The following AUTS2 variants were observed in gnomAD, a reference collection of about 807,000 sequenced individuals.
AUTS2 encodes the protein activator of transcription and developmental regulator AUTS2, also known as autism susceptibility gene 2 protein.
Under a neutral mutation model 112.4 loss-of-function variants are expected in AUTS2, and 17 were observed. That is an observed-to-expected ratio of 0.15 (90% CI 0.10 to 0.23). The LOEUF is 0.23. Among genes scored for constraint, AUTS2 ranks in the 10% least tolerant of loss-of-function variants. The pLI, the probability that AUTS2 is intolerant of heterozygous loss-of-function variation, is 1.00. For missense variants in AUTS2, 1,510 were observed against 1,701.6 expected, an observed-to-expected ratio of 0.89 and a Z score of 1.98; for synonymous variants, 751 against 702.7, an observed-to-expected ratio of 1.07 and a Z score of -1.09.
intron 3 of AUTS2, among the ~76,000 whole-genome samples, chr7:70,124,796 C>T (rs1382992332): frequency 6.6e-6 from 1 of 152,106 alleles, no homozygotes; most frequent in Non-Finnish European, 1.5e-5. Flanking sequence ...CTCCTGACCT[C>T]GTGATCCGCC....
chr7:70,774,697 A>G (rs1265009289), intron 12 of AUTS2: 5 of 152,580 alleles, frequency 3.3e-5, no homozygotes, highest in Non-Finnish European at 7.3e-5. Flanking sequence ...TACGATAGAT[A>G]CAATCTTGCC....
chr7:69,988,644 A>G (rs1291932060), intron 2 of AUTS2, among the ~76,000 whole-genome samples: 1 of 152,212 alleles, frequency 6.6e-6, no homozygotes, highest in Non-Finnish European at 1.5e-5. Flanking sequence ...ATATTTATTG[A>G]ATGAATGAGT....
intron 6 of AUTS2, among the ~76,000 whole-genome samples, chr7:70,760,626 G>A (rs1232605095): frequency 6.6e-6 from 1 of 152,236 alleles, no homozygotes; most frequent in East Asian, 1.9e-4. Context: ...ATCCCTAACT[G>A]TGACATCTCT....
intron 4 of AUTS2, among the ~76,000 whole-genome samples, 171 bp from the exon 5 acceptor site, chr7:70,435,581 T>C (rs1159345121): frequency 6.6e-6 from 1 of 152,228 alleles, no homozygotes; most frequent in Non-Finnish European, 1.5e-5. Context: ...TTTCAGATGC[T>C]GTTTACTAGC....
chr7:70,519,493 G>T (rs371487127), intron 5 of AUTS2, among the ~76,000 whole-genome samples: 1 of 152,168 alleles, frequency 6.6e-6, no homozygotes, highest in Non-Finnish European at 1.5e-5. Context: ...ATGAATAGAA[G>T]TTATATCCAA....
At chr7:69,834,509 T>C (rs947555150) in intron 1 of AUTS2, among the ~76,000 whole-genome samples, 1 of 152,222 alleles carries the variant, frequency 6.6e-6, no homozygotes, top group African/African-American at 2.4e-5. Flanking sequence ...AATCACTTTA[T>C]TCTGGCTCTG....
At chr7:70,367,399 A>G (rs1405189928) in intron 4 of AUTS2, among the ~76,000 whole-genome samples, 1 of 152,078 alleles carries the variant, frequency 6.6e-6, no homozygotes, top group Admixed American at 6.5e-5. Flanking sequence ...TACTAAAAAT[A>G]CAAAAAATTA....
intron 4 of AUTS2, among the ~76,000 whole-genome samples, chr7:70,375,271 C>G (rs1258918535): frequency 6.6e-6 from 1 of 152,068 alleles, no homozygotes; most frequent in African/African-American, 2.4e-5. Context: ...TATTAGAAGC[C>G]CCATTGACTT....
intron 4 of AUTS2, among the ~76,000 whole-genome samples, chr7:70,294,553 C>T (rs1345284513): frequency 6.6e-6 from 1 of 152,306 alleles, no homozygotes; most frequent in South Asian, 2.1e-4. Flanking sequence ...TTGCTTTTCT[C>T]TGGAGCTGCA....
intron 2 of AUTS2, among the ~76,000 whole-genome samples, chr7:70,102,742 T>C (rs776675752): frequency 4.6e-5 from 7 of 152,150 alleles, no homozygotes; most frequent in African/African-American, 1.7e-4. Flanking sequence ...TTCAGTTGAT[T>C]ATAGTTTTTT....
intron 5 of AUTS2, among the ~76,000 whole-genome samples, chr7:70,598,611 G>A (rs1190371984): frequency 6.6e-6 from 1 of 152,146 alleles, no homozygotes; most frequent in Non-Finnish European, 1.5e-5. Context: ...AAAAGAGGGA[G>A]TAGGGGCTCA....
intron 4 of AUTS2, among the ~76,000 whole-genome samples, chr7:70,155,915 G>A (rs1257692756): frequency 1.3e-5 from 2 of 152,180 alleles, no homozygotes; most frequent in Non-Finnish European, 2.9e-5. Context: ...CTATCTGGCA[G>A]GCAGGAAGTG....
chr7:70,012,958 T>C (rs1799872547), intron 2 of AUTS2, among the ~76,000 whole-genome samples: 1 of 152,200 alleles, frequency 6.6e-6, no homozygotes, highest in Non-Finnish European at 1.5e-5. Flanking sequence ...ATGTGTGTTT[T>C]GGGGGTATGG....
intron 5 of AUTS2, among the ~76,000 whole-genome samples, chr7:70,448,126 T>G (rs1308085610): frequency 6.6e-6 from 1 of 152,166 alleles, no homozygotes; most frequent in Non-Finnish European, 1.5e-5. Context: ...TTGAATGTAC[T>G]CTCGTGCCTA....
chr7:70,279,171 C>T (rs913081742), intron 4 of AUTS2, among the ~76,000 whole-genome samples: 7 of 152,212 alleles, frequency 4.6e-5, no homozygotes, highest in South Asian at 2.1e-4. Flanking sequence ...ATTCTGAAAT[C>T]GGAAAGTTTC....
At chr7:69,989,730 C>A (rs964931546) in intron 2 of AUTS2, among the ~76,000 whole-genome samples, 1 of 152,104 alleles carries the variant, frequency 6.6e-6, no homozygotes, top group Non-Finnish European at 1.5e-5. Flanking sequence ...AGAACAGGGA[C>A]CCCCCGCCCC....
intron 12 of AUTS2, chr7:70,775,082 T>G (rs1790601534): frequency 6.3e-6 from 3 of 478,398 alleles, no homozygotes; most frequent in African/African-American, 2.0e-5. Context: ...GTGTGTGATG[T>G]GAGCAAATCA....
intron 6 of AUTS2, among the ~76,000 whole-genome samples, chr7:70,702,232 G>A (rs1419137296): frequency 6.6e-6 from 1 of 152,222 alleles, no homozygotes; most frequent in Non-Finnish European, 1.5e-5. Context: ...GACAACACTA[G>A]TCAGGCGTCA....
chr7:69,937,712 A>G (rs1432499910), intron 2 of AUTS2, among the ~76,000 whole-genome samples: 1 of 152,166 alleles, frequency 6.6e-6, no homozygotes, highest in African/African-American at 2.4e-5. Flanking sequence ...ACTGGTAACA[A>G]TGTTTCCCCT....
Sources: allele counts gnomAD v4.1 joint callset (sites outside exome capture counted in the v4.1 genomes callset), GRCh38; gene constraint gnomAD v4.1.1; transcripts MANE v1.5; gene names NCBI Gene and HGNC (gene_info 2026-07-23, HGNC 2026-07-21).